PAPOLA: variants seen among roughly 807,000 people sequenced by gnomAD.
The protein encoded by PAPOLA is polynucleotide adenylyltransferase alpha.
Under a neutral mutation model 100.6 loss-of-function variants are expected in PAPOLA, and 15 were observed. That is an observed-to-expected ratio of 0.15 (90% CI 0.10 to 0.23). PAPOLA has a LOEUF of 0.23. Ranked by LOEUF, PAPOLA falls within the 10% of genes least tolerant of loss-of-function variation. The pLI is 1.00. For synonymous variants in PAPOLA, 293 were observed against 300.0 expected, an observed-to-expected ratio of 0.98 and a Z score of 0.24; for missense variants, 533 against 884.2, an observed-to-expected ratio of 0.60 and a Z score of 5.04.
chr14:96,550,095 CTTATGA>C lies in PAPOLA; in HGVS notation c.1521+2183_1521+2188del, dbSNP rs569746740. Among the ~76,000 whole-genome samples, 621 of 152,314 alleles carry C rather than the reference CTTATGA, an allele frequency of 4.1e-3. 3 individuals are homozygous for C. The highest frequency in any genetic ancestry group is 0.014 in the African/African-American group (589 of 41,566). Reference sequence around the variant, plus strand: ...CCCAATAGTTCAAGGCTGCAGTGAACTTATGATTATGCCATTGCACTTCAGTCTGAG... The same window carrying C: ...CCCAATAGTTCAAGGCTGCAGTGAACTTATGCCATTGCACTTCAGTCTGAG... On this transcript the variant is annotated intron_variant, in intron 16 of 21. Transcript: ENST00000216277.
At chr14:96,529,820 A>T (rs1452699721) in intron 6 of PAPOLA, among the ~76,000 whole-genome samples, 1 of 152,218 alleles carries the variant, frequency 6.6e-6, no homozygotes, top group Admixed American at 6.5e-5. Context: ...ACCCTCAGGG[A>T]TAACTACCAA....
At chr14:96,508,578 T>G (rs1896891429) in intron 1 of PAPOLA, among the ~76,000 whole-genome samples, 1 of 152,248 alleles carries the variant, frequency 6.6e-6, no homozygotes, top group African/African-American at 2.4e-5. Flanking sequence ...GAAAATGTTT[T>G]GGCTCATCAG....
intron 20 of PAPOLA, among the ~76,000 whole-genome samples, chr14:96,561,107 C>T (rs141371761): frequency 1.4e-3 from 215 of 152,128 alleles, no homozygotes; most frequent in African/African-American, 4.8e-3. Flanking sequence ...TTTGATAGTC[C>T]GGGCTGAGAT....
At position 96,502,520 on chromosome 14, in the gene PAPOLA, T is replaced by G; in HGVS notation, c.-73T>G. On this transcript the variant is annotated 5_prime_UTR_variant, in exon 1 of 22. Coordinates refer to ENST00000216277, the MANE Select transcript of PAPOLA (RefSeq NM_032632.5). Reference sequence around the variant, plus strand: ...GGCCCCCCCCTCCCTCCCGCCTCAGTGGATCATGCCCAGGGCGGCAGCGGC... The same window carrying G: ...GGCCCCCCCCTCCCTCCCGCCTCAGGGGATCATGCCCAGGGCGGCAGCGGC... 1 of 1,252,506 alleles carries G rather than the reference T, an allele frequency of 8.0e-7. No homozygotes were observed. The highest frequency in any genetic ancestry group is 1.1e-6 in the Non-Finnish European group (1 of 888,330). 77.6% of individuals were successfully genotyped at this position (1,252,506 alleles called of 1,614,324 possible).
chr14:96,559,577 CTCTCTA>C (rs1320461590), intron 19 of PAPOLA, among the ~76,000 whole-genome samples: 4 of 110,722 alleles, frequency 3.6e-5, no homozygotes, highest in African/African-American at 8.0e-5. Flanking sequence ...CTCTCTCTCT[CTCTCTA>C]TATATATATA....
Position 96,525,357 on chromosome 14 carries a change from A to G in PAPOLA, c.297A>G (p.Thr99=). ...VIENVGGKIF[T]FGSYRLGVHT... ...AAAATGTTGGAGGAAAAATTTTTAC[A>G]TTTGGATCTTACAGATTAGGAGTGC... is the stretch of plus-strand genomic sequence containing the variant. Residue 99 remains threonine, a synonymous_variant, in exon 4 of 22, where the codon ACA becomes ACG. Transcript: ENST00000216277. The G allele has an allele frequency of 6.6e-7, 1 of 1,517,934 alleles. No homozygotes were observed. The highest frequency in any genetic ancestry group is 9.1e-7 in the Non-Finnish European group (1 of 1,103,952). The allele number at this position is 1,517,934 out of a possible 1,614,324, so 94.0% of individuals were successfully genotyped here. A position where few individuals can be genotyped will look rare whatever the true frequency, so the allele number is the denominator to read the frequency against.
intron 16 of PAPOLA, among the ~76,000 whole-genome samples, chr14:96,548,568 T>A (rs953387307): frequency 6.6e-6 from 1 of 152,186 alleles, no homozygotes; most frequent in Non-Finnish European, 1.5e-5. Context: ...TTTATTCTTA[T>A]AATGGAATAC....
chr14:96,561,188 A>G (rs1383394084), intron 20 of PAPOLA, among the ~76,000 whole-genome samples: 1 of 152,188 alleles, frequency 6.6e-6, no homozygotes, highest in Non-Finnish European at 1.5e-5. Context: ...GGTTTTGGCT[A>G]GAACCTGGGG....
intron 9 of PAPOLA, chr14:96,534,169 T>G (rs1899315701): frequency 9.2e-7 from 1 of 1,083,876 alleles, no homozygotes; most frequent in Admixed American, 4.7e-5. Context: ...CAGTGGAGAT[T>G]TATTCTGTTC....
intron 3 of PAPOLA, 51 bp downstream of exon 3, chr14:96,521,123 C>G (rs772627068): frequency 7.1e-6 from 6 of 844,502 alleles, no homozygotes; most frequent in South Asian, 6.8e-5. Flanking sequence ...GCCAACTGAA[C>G]ACAGCAAGTG....
chr14:96,523,732 C>T (rs945522332), intron 3 of PAPOLA, among the ~76,000 whole-genome samples: 4 of 152,138 alleles, frequency 2.6e-5, no homozygotes, highest in Non-Finnish European at 4.4e-5. Flanking sequence ...ATCACGAGGT[C>T]AAGAGTTCGA....
rs988725622 is a variant in PAPOLA at position 96,565,258 on chromosome 14, A to G, written c.*208A>G. 4.5e-6 allele frequency: 2 copies of G among 444,040 alleles called. No homozygotes were observed. Among genetic ancestry groups the G allele is most frequent in the Non-Finnish European group, 8.1e-6 (2 of 246,430 alleles). 27.5% of individuals were successfully genotyped at this position (444,040 alleles called of 1,614,324 possible). A position where few individuals can be genotyped will look rare whatever the true frequency, so the allele number is the denominator to read the frequency against. On this transcript the variant is annotated 3_prime_UTR_variant, in exon 22 of 22. Transcript: ENST00000216277. Reference sequence around the variant, plus strand: ...GAGTACTATTATTATTGTGTTAGCAACAGTTGCATTAACTATTTCAAAAAT... The same window carrying G: ...GAGTACTATTATTATTGTGTTAGCAGCAGTTGCATTAACTATTTCAAAAAT...
rs768037176 is a variant in PAPOLA, at chr14:96,562,851, A to G, written c.2100A>G (p.Gln700=). The change falls in exon 21 of 22, where the codon CAA becomes CAG. Residue 700 remains glutamine, a synonymous_variant. Coordinates refer to ENST00000216277, the MANE Select transcript of PAPOLA (RefSeq NM_032632.5). ...EQLDTETSTT[Q]SETIQTAASL... is the part of the protein sequence containing the mutation. ...TTGATACAGAGACAAGTACAACTCAATCAGAAACTATTCAGACAGCGGCTT... is the reference window on the plus strand; with the variant it reads ...TTGATACAGAGACAAGTACAACTCAGTCAGAAACTATTCAGACAGCGGCTT... 6.2e-6 allele frequency: 10 copies of G among 1,612,210 alleles called. No individual in the cohort carries two copies. The highest frequency in any genetic ancestry group is 4.5e-5 in the East Asian group (2 of 44,838).
At chr14:96,518,800 T>C (rs538063723) in intron 1 of PAPOLA, among the ~76,000 whole-genome samples, 3 of 151,992 alleles carry the variant, frequency 2.0e-5, no homozygotes, top group African/African-American at 7.2e-5. Flanking sequence ...CCCATGCCTG[T>C]AATCCCAGCA....
In PAPOLA at chr14:96,566,038, A is replaced by T; in HGVS notation, c.*988A>T. 2 of 396,670 alleles carry T rather than the reference A, an allele frequency of 5.0e-6. No individual in the cohort carries two copies. The highest frequency in any genetic ancestry group is 8.9e-6 in the Non-Finnish European group (2 of 224,716). The allele number at this position is 396,670 out of a possible 1,614,324, so 24.6% of individuals were successfully genotyped here. On this transcript the variant is annotated 3_prime_UTR_variant, in exon 22 of 22. Transcript: ENST00000216277. Reference sequence around the variant, plus strand: ...CTGAAACTTGAGGGTGACTAAAAGTAATGCCTGTGAAACATGATATCTATC... The same window carrying T: ...CTGAAACTTGAGGGTGACTAAAAGTTATGCCTGTGAAACATGATATCTATC...
At position 96,531,456 on chromosome 14, in the gene PAPOLA, T is replaced by C; in HGVS notation, c.496-19T>C. On this transcript the variant is annotated intron_variant, in intron 6 of 21. Transcript: ENST00000216277. Reference sequence around the variant, plus strand: ...AAGTAGTTTGACAGATATGGAATGTTGTTTTGTTTGTGTTTCAGATTGATA... The same window carrying C: ...AAGTAGTTTGACAGATATGGAATGTCGTTTTGTTTGTGTTTCAGATTGATA... The C allele has an allele frequency of 3.2e-6, 5 of 1,567,774 alleles. No homozygotes were observed. Among genetic ancestry groups the C allele is most frequent in the Non-Finnish European group, 4.3e-6 (5 of 1,150,178 alleles).
At chr14:96,560,844 T>C (rs1375353265) in intron 20 of PAPOLA, 133 bp downstream of exon 20, 1 of 601,600 alleles carries the variant, frequency 1.7e-6, no homozygotes. Context: ...CTGTTAATTA[T>C]GTAATGCTGA....
rs139165917 is a variant in PAPOLA, at chr14:96,546,018, T to A, written c.1399+1760T>A. 2.6e-5 allele frequency among the ~76,000 whole-genome samples: 4 copies of A among 152,254 alleles called. No individual in the cohort carries two copies. In the East Asian group the frequency reaches 7.7e-4, roughly 29 times the overall value. ...ATTTTGGGAAGGAAATATTTAGTTGTCCTGTATATTGAAACACTTTAATCC... is the reference window on the plus strand; with the variant it reads ...ATTTTGGGAAGGAAATATTTAGTTGACCTGTATATTGAAACACTTTAATCC... On this transcript the variant is annotated intron_variant, in intron 15 of 21. Transcript: ENST00000216277.
intron 6 of PAPOLA, among the ~76,000 whole-genome samples, chr14:96,529,896 CTA>C (rs1350102784): frequency 8.5e-5 from 13 of 152,184 alleles, no homozygotes; most frequent in African/African-American, 2.4e-4. Flanking sequence ...CAGCGGAATT[CTA>C]TGTCTTCAAA....
Sources: gnomAD v4.1 joint callset for allele counts (sites outside exome capture counted in the v4.1 genomes callset) on GRCh38, gnomAD v4.1.1 for gene constraint, MANE v1.5 for transcripts, NCBI Gene and HGNC (gene_info 2026-07-23, HGNC 2026-07-21) for gene names.